Variants in DPP10 observed in about 807,000 individuals in gnomAD.
The protein encoded by DPP10 is dipeptidyl peptidase like 10, also known as inactive dipeptidyl peptidase 10.
In DPP10, 33 loss-of-function variants were observed where a neutral mutation model predicts 120.9. That is an observed-to-expected ratio of 0.27 (90% CI 0.21 to 0.37). The LOEUF (loss-of-function observed/expected upper bound fraction) is 0.37. Among genes scored for constraint, DPP10 ranks in the 10% least tolerant of loss-of-function variants. The pLI, the probability that DPP10 is intolerant of heterozygous loss-of-function variation, is 1.00. For synonymous variants in DPP10, 337 were observed against 326.1 expected (o/e 1.03, Z -0.36); for missense variants, 816 against 942.8 (o/e 0.87, Z 1.76).
At chr2:114,813,600 T>A (rs1391573223) in intron 1 of DPP10, among the ~76,000 whole-genome samples, 1 of 152,166 alleles carries the variant, frequency 6.6e-6, no homozygotes, top group African/African-American at 2.4e-5. Context: ...ACTACCTTAT[T>A]CTAGTTTGGA....
At chr2:114,983,602 G>T (rs1700221048) in intron 1 of DPP10, among the ~76,000 whole-genome samples, 2 of 152,070 alleles carry the variant, frequency 1.3e-5, no homozygotes, top group Admixed American at 6.6e-5. Context: ...ATGGTTAAAG[G>T]CTTTCATGAG....
intron 2 of DPP10, among the ~76,000 whole-genome samples, chr2:115,334,230 G>GTGTTTTTTTTTTTTTTTTTT: frequency 1.8e-5 from 1 of 56,412 alleles, no homozygotes; most frequent in Admixed American, 2.5e-4. Flanking sequence ...AGCAGACTCT[G>GTGTTTTTTTTTTTTTTTTTT]TTTTTTTTTT....
intron 1 of DPP10, among the ~76,000 whole-genome samples, chr2:115,258,293 T>C (rs1223473444): frequency 1.3e-5 from 2 of 152,146 alleles, no homozygotes; most frequent in Non-Finnish European, 2.9e-5. Flanking sequence ...ACGTTTAATG[T>C]GTGTCAGCTA....
At chr2:115,007,578 G>A (rs1395254485) in intron 1 of DPP10, among the ~76,000 whole-genome samples, 2 of 149,540 alleles carry the variant, frequency 1.3e-5, no homozygotes, top group East Asian at 2.0e-4. Context: ...TCTGGCCAGG[G>A]CAATTAGGCA....
intron 1 of DPP10, among the ~76,000 whole-genome samples, chr2:114,983,242 A>G (rs1262092521): frequency 6.6e-6 from 1 of 152,192 alleles, no homozygotes; most frequent in Non-Finnish European, 1.5e-5. Flanking sequence ...TTCTCCCTAG[A>G]AAGGTTTAAT....
intron 1 of DPP10, among the ~76,000 whole-genome samples, chr2:114,849,280 C>T (rs1688768422): frequency 6.6e-6 from 1 of 152,122 alleles, no homozygotes. Context: ...TCTATATTCC[C>T]TTTGCTTTGC....
intron 1 of DPP10, among the ~76,000 whole-genome samples, chr2:114,544,597 C>A (rs997865583): frequency 6.6e-6 from 1 of 151,986 alleles, no homozygotes; most frequent in Non-Finnish European, 1.5e-5. Flanking sequence ...CCACTAATTA[C>A]AGAAAATAAG....
chr2:114,821,344 A>G (rs549054377), intron 1 of DPP10, among the ~76,000 whole-genome samples: 4 of 152,290 alleles, frequency 2.6e-5, no homozygotes, highest in East Asian at 1.9e-4. Flanking sequence ...GAGAATTGCC[A>G]TGTTTGATGG....
chr2:115,802,833 A>G (rs572832172), intron 19 of DPP10, among the ~76,000 whole-genome samples: 4,984 of 152,054 alleles, frequency 0.033, 278 homozygotes, highest in African/African-American at 0.11. Context: ...CATTTGCTGA[A>G]GAGTGCTTTA....
chr2:115,756,110 G>A (rs959134665), intron 11 of DPP10, among the ~76,000 whole-genome samples: 7 of 152,064 alleles, frequency 4.6e-5, no homozygotes, highest in South Asian at 2.1e-4. Context: ...ATGCTCTTAC[G>A]TCTATCTGGG....
At chr2:114,443,290 G>A (rs1677760647) in intron 1 of DPP10, among the ~76,000 whole-genome samples, 1 of 152,084 alleles carries the variant, frequency 6.6e-6, no homozygotes, top group African/African-American at 2.4e-5. Context: ...TGTGAGCATT[G>A]AACTGGTGGT....
intron 1 of DPP10, among the ~76,000 whole-genome samples, chr2:114,767,207 C>CAAAAG (rs1680797866): frequency 3.0e-5 from 1 of 33,060 alleles, no homozygotes; most frequent in Non-Finnish European, 5.0e-5. Flanking sequence ...AGGATAAAAG[C>CAAAAG]AAAAAAAAAA....
At chr2:114,681,564 G>T (rs1475749921) in intron 1 of DPP10, among the ~76,000 whole-genome samples, 2 of 151,940 alleles carry the variant, frequency 1.3e-5, no homozygotes, top group Non-Finnish European at 2.9e-5. Flanking sequence ...ATTGCCAAAA[G>T]GCCCTTTAAA....
chr2:114,560,412 T>A (rs998741295), intron 1 of DPP10, among the ~76,000 whole-genome samples: 1 of 152,204 alleles, frequency 6.6e-6, no homozygotes, highest in African/African-American at 2.4e-5. Flanking sequence ...ACATGTTGGA[T>A]GCCCAGGATC....
At chr2:115,696,974 G>A (rs1367779544) in intron 7 of DPP10, among the ~76,000 whole-genome samples, 4 of 152,146 alleles carry the variant, frequency 2.6e-5, no homozygotes, top group South Asian at 2.1e-4. Flanking sequence ...AATGAGCAAC[G>A]TTTTTGAATG....
chr2:115,396,542 T>A (rs1025240557), intron 3 of DPP10, among the ~76,000 whole-genome samples: 1 of 152,230 alleles, frequency 6.6e-6, no homozygotes, highest in Non-Finnish European at 1.5e-5. Context: ...TGGAGTAATA[T>A]ACAAAATGTC....
At chr2:115,740,151 C>A (rs928652342) in intron 9 of DPP10, among the ~76,000 whole-genome samples, 6 of 152,058 alleles carry the variant, frequency 3.9e-5, no homozygotes, top group South Asian at 2.1e-4. Context: ...TATTTTTTCA[C>A]ACCTTACAGT....
chr2:115,525,763 A>C, intron 4 of DPP10, 135 bp from the exon 5 acceptor site: 1 of 621,714 alleles, frequency 1.6e-6, no homozygotes, highest in Non-Finnish European at 2.7e-6. Flanking sequence ...ACATACATGC[A>C]AATATGTATA....
At chr2:115,767,451 C>G (rs1459462115) in intron 12 of DPP10, among the ~76,000 whole-genome samples, 1 of 137,320 alleles carries the variant, frequency 7.3e-6, no homozygotes, top group Non-Finnish European at 1.6e-5. Context: ...AGAGCAGTAT[C>G]TCTCTCTCTC....
Sources: gnomAD v4.1 joint callset for allele counts (sites outside exome capture counted in the v4.1 genomes callset) on GRCh38, gnomAD v4.1.1 for gene constraint, MANE v1.5 for transcripts, NCBI Gene and HGNC (gene_info 2026-07-23, HGNC 2026-07-21) for gene names.